Variants in PRH1 observed in about 807,000 individuals in gnomAD.
The protein encoded by PRH1 is salivary acidic proline-rich phosphoprotein 1/2.
A neutral mutation model predicts 7.9 loss-of-function variants in PRH1; 7 were observed. The ratio of observed to expected loss-of-function variants is 0.89; its 90% CI spans 0.50 to 1.67. The LOEUF is 1.67. PRH1 is among the 40% of genes most tolerant of loss of function. The probability of loss-of-function intolerance (pLI) is 0.00; values close to 1 mark genes in which losing one functional copy is unlikely to be tolerated. For synonymous variants in PRH1, 45 were observed against 80.8 expected (o/e 0.56, Z 2.38); for missense variants, 109 against 223.6 (o/e 0.49, Z 3.27).
chr12:10,975,298 A>G (rs1939033184), intron 1 of PRH1, among the ~76,000 whole-genome samples: 2 of 152,334 alleles, frequency 1.3e-5, no homozygotes, highest in Middle Eastern at 3.4e-3. Flanking sequence ...AGAATTTTTA[A>G]TCAAGAATTT....
At chr12:11,119,686 C>G (rs184388033), downstream of PRH1, among the ~76,000 whole-genome samples, 1 of 152,164 alleles carries the variant, frequency 6.6e-6, no homozygotes, top group Non-Finnish European at 1.5e-5. Flanking sequence ...TTCAAACAAA[C>G]TGAATACAAA....
At chr12:10,938,829 T>TA in intron 2 of PRH1, 1 of 1,613,654 alleles carries the variant, frequency 6.2e-7, no homozygotes, top group Non-Finnish European at 8.5e-7. Flanking sequence ...ACCACCTTTT[T>TA]AACCCTCCAC....
rs764248789 is a variant in PRH1 at position 10,997,305 on chromosome 12, T to C, written c.-125-23584A>G. On this transcript the variant is annotated intron_variant, in intron 1 of 3. Coordinates refer to the PRH1 transcript ENST00000539853. The stretch of plus-strand genomic sequence containing the variant: ...ATTAACAGCAGAAAAGATATCAGGG[T>C]CAGAGTGAATGGTATCAAGTTTGCT... 4 of 1,613,970 alleles carry C rather than the reference T, an allele frequency of 2.5e-6. No individual in the cohort carries two copies. In the African/African-American group the frequency reaches 4.0e-5, roughly 16 times the overall value.
chr12:11,025,893 C>A (rs1365539985), intron 1 of PRH1, among the ~76,000 whole-genome samples: 1 of 152,294 alleles, frequency 6.6e-6, no homozygotes, highest in Non-Finnish European at 1.5e-5. Flanking sequence ...TTCCATAAAT[C>A]ATTTTCTATG....
At chr12:10,937,740 A>T (rs1427189932) in intron 2 of PRH1, 2 of 152,316 alleles carry the variant, frequency 1.3e-5, no homozygotes, top group African/African-American at 2.4e-5. Context: ...AGCAAAGCAA[A>T]TGTGGTAGTT....
Position 11,030,674 on chromosome 12 carries a change from G to A in PRH1, c.-126+16346C>T, listed in dbSNP as rs759975321. 1.3e-5 allele frequency: 21 copies of A among 1,614,060 alleles called. No homozygotes were observed. In the Admixed American group the frequency reaches 3.0e-4, roughly 23 times the overall value. ...TTGCAAAGCTTTTATGTGGACCTTG[G>A]TGCTGGGATCTTGAGATCCTTTACC... On this transcript the variant is annotated intron_variant, in intron 1 of 3. Transcript: ENST00000539853.
rs74062447 is a variant in PRH1 at position 11,142,361 on chromosome 12, G to A, written n.40-21181C>T. On this transcript the variant is annotated intron_variant and non_coding_transcript_variant, in intron 1 of 1. Coordinates refer to the PRH1 transcript ENST00000541175. Reference sequence around the variant, plus strand: ...GGAAAACCACTCCTAAAATATATCTGGAAATGCCAAGTGACAAGATCACAA... The same window carrying A: ...GGAAAACCACTCCTAAAATATATCTAGAAATGCCAAGTGACAAGATCACAA... Among the ~76,000 whole-genome samples, 1,006 of 152,092 alleles carry A rather than the reference G, an allele frequency of 6.6e-3. 12 individuals are homozygous for A. The highest frequency in any genetic ancestry group is 0.023 in the African/African-American group (961 of 41,474).
At chr12:10,918,459 T>C (rs1950002936) in intron 2 of PRH1, among the ~76,000 whole-genome samples, 1 of 152,224 alleles carries the variant, frequency 6.6e-6, no homozygotes, top group African/African-American at 2.4e-5. Flanking sequence ...GGTATTCTTT[T>C]ATAGCAACAT....
At chr12:11,018,536 G>GA (rs1941412466) in intron 1 of PRH1, among the ~76,000 whole-genome samples, 1 of 117,908 alleles carries the variant, frequency 8.5e-6, no homozygotes, top group Non-Finnish European at 1.9e-5. Flanking sequence ...TAACAGAAAA[G>GA]CTTAGTTGCT....
At chr12:11,151,818 A>G (rs930570944) in intron 1 of PRH1, among the ~76,000 whole-genome samples, 6 of 152,108 alleles carry the variant, frequency 3.9e-5, no homozygotes, top group African/African-American at 1.4e-4. Flanking sequence ...GTGTGTTCAC[A>G]ACTATTTTAT....
intron 1 of PRH1, among the ~76,000 whole-genome samples, chr12:11,143,116 CAA>C (rs34247889): frequency 2.0e-5 from 3 of 149,608 alleles, no homozygotes; most frequent in Non-Finnish European, 3.0e-5. Context: ...CATGAACTGA[CAA>C]AAAAAAAATA....
chr12:10,990,563 CTCTAATGAGAT>C (rs940419983), intron 1 of PRH1, among the ~76,000 whole-genome samples: 1 of 152,148 alleles, frequency 6.6e-6, no homozygotes, highest in African/African-American at 2.4e-5. Flanking sequence ...TTTGGCCTTA[CTCTAATGAGAT>C]GAGAAGCCAC....
chr12:10,897,397 C>T (rs1300721355), intron 2 of PRH1, among the ~76,000 whole-genome samples: 2 of 92,098 alleles, frequency 2.2e-5, no homozygotes, highest in African/African-American at 7.1e-5. Context: ...ACTTGAATTG[C>T]CCCCAGTTGT....
At chr12:11,053,436 C>A (rs964090700) in intron 1 of PRH1, among the ~76,000 whole-genome samples, 1 of 145,728 alleles carries the variant, frequency 6.9e-6, no homozygotes, top group African/African-American at 2.6e-5. Context: ...AAATCAAAAT[C>A]TTTTTATAGT....
chr12:11,127,733 A>C (rs185097748), intron 1 of PRH1, among the ~76,000 whole-genome samples: 16 of 152,418 alleles, frequency 1.0e-4, no homozygotes, highest in Admixed American at 1.0e-3. Flanking sequence ...AATGTTTATC[A>C]AACTTAATCT....
rs187034293 is a variant in PRH1 at position 10,976,520 on chromosome 12, C to T, written c.-125-2799G>A. Among the ~76,000 whole-genome samples, 620 of 152,126 alleles carry T rather than the reference C, an allele frequency of 4.1e-3. 5 individuals carry two copies. Among genetic ancestry groups the T allele is most frequent in the Middle Eastern group, 0.017 (5 of 294 alleles). ...CATCCCAACAAAAAGACCTAGACAA[C>T]CATGAGCAAACCAATGCCAAAGCTA... On this transcript the variant is annotated intron_variant, in intron 1 of 3. Coordinates refer to the PRH1 transcript ENST00000539853.
At chr12:11,031,116 C>G (rs1321646811) in intron 1 of PRH1, 52 of 1,614,152 alleles carry the variant, frequency 3.2e-5, no homozygotes, top group Non-Finnish European at 4.4e-5. Context: ...CTATAAAAAG[C>G]TGGATTAAAC....
intron 1 of PRH1, among the ~76,000 whole-genome samples, chr12:11,072,126 C>G (rs1944099512): frequency 8.3e-6 from 1 of 120,230 alleles, no homozygotes; most frequent in African/African-American, 2.8e-5. Flanking sequence ...CACCACCATG[C>G]CAAACTAATT....
At chr12:10,991,973 G>T (rs992272286) in intron 1 of PRH1, among the ~76,000 whole-genome samples, 7 of 152,122 alleles carry the variant, frequency 4.6e-5, no homozygotes, top group Non-Finnish European at 7.4e-5. Context: ...CATTTAAATG[G>T]GTTGATGGAC....
Sources: allele counts gnomAD v4.1 joint callset (sites outside exome capture counted in the v4.1 genomes callset), GRCh38; gene constraint gnomAD v4.1.1; transcripts MANE v1.5; gene names NCBI Gene and HGNC (gene_info 2026-07-23, HGNC 2026-07-21).